The following ANKRD55 variants were observed in gnomAD, a reference collection of about 807,000 sequenced individuals.
The protein encoded by ANKRD55 is ankyrin repeat domain-containing protein 55.
ANKRD55 carries 41 observed loss-of-function variants against 60.6 expected under a neutral mutation model. The observed-to-expected ratio is 0.68, with a 90% CI of 0.53 to 0.88. The LOEUF (loss-of-function observed/expected upper bound fraction) is 0.88, where lower values mean the gene tolerates loss of function less well. Among genes scored for constraint, ANKRD55 ranks in the 40% least tolerant of loss-of-function variants. The pLI, the probability that ANKRD55 is intolerant of heterozygous loss-of-function variation, is 0.00. For missense variants in ANKRD55, 732 were observed against 767.6 expected, an observed-to-expected ratio of 0.95 and a Z score of 0.55; for synonymous variants, 264 against 290.3, an observed-to-expected ratio of 0.91 and a Z score of 0.92.
intron 11 of ANKRD55, among the ~76,000 whole-genome samples, chr5:56,101,752 A>G (rs879465220): frequency 7.9e-5 from 12 of 152,098 alleles, no homozygotes; most frequent in Non-Finnish European, 1.0e-4. Flanking sequence ...AAATAAATCA[A>G]TAATACCAAA....
At chr5:56,125,328 T>C (rs1757212760) in intron 8 of ANKRD55, among the ~76,000 whole-genome samples, 1 of 152,020 alleles carries the variant, frequency 6.6e-6, no homozygotes, top group Non-Finnish European at 1.5e-5. Flanking sequence ...TAACCCAGGC[T>C]GGAGTGCAAT....
chr5:56,206,297 T>C (rs1759508109), intron 2 of ANKRD55, among the ~76,000 whole-genome samples: 1 of 152,158 alleles, frequency 6.6e-6, no homozygotes, highest in Admixed American at 6.6e-5. Flanking sequence ...ATTTCCACAT[T>C]CCTTCTTAAA....
At chr5:56,180,792 G>T (rs1444823664) in intron 3 of ANKRD55, among the ~76,000 whole-genome samples, 1 of 152,200 alleles carries the variant, frequency 6.6e-6, no homozygotes, top group East Asian at 1.9e-4. Flanking sequence ...CTTGTACCCT[G>T]TGACCTTGCT....
chr5:56,212,903 T>C (rs1217972573), intron 2 of ANKRD55, among the ~76,000 whole-genome samples: 1 of 152,210 alleles, frequency 6.6e-6, no homozygotes, highest in South Asian at 2.1e-4. Flanking sequence ...GATAGTTCTA[T>C]ATTAAATAAC....
At chr5:56,127,171 T>A in intron 7 of ANKRD55, 65 bp from the exon 8 acceptor site, 1 of 1,341,210 alleles carries the variant, frequency 7.5e-7, no homozygotes, top group Non-Finnish European at 9.6e-7. Flanking sequence ...TCTAGGCATG[T>A]TAAGATAAAA....
chr5:56,209,611 C>T (rs1351409746), intron 2 of ANKRD55, among the ~76,000 whole-genome samples: 1 of 152,002 alleles, frequency 6.6e-6, no homozygotes, highest in East Asian at 1.9e-4. Context: ...GGACTACAGG[C>T]GCCCGCCACC....
At chr5:56,134,868 G>T (rs1757517302) in intron 7 of ANKRD55, among the ~76,000 whole-genome samples, 1 of 152,074 alleles carries the variant, frequency 6.6e-6, no homozygotes, top group Admixed American at 6.6e-5. Context: ...TTAGTGAATA[G>T]AATCTAGCAA....
At chr5:56,159,264 C>T (rs551517145) in intron 6 of ANKRD55, among the ~76,000 whole-genome samples, 4 of 152,278 alleles carry the variant, frequency 2.6e-5, no homozygotes, top group African/African-American at 4.8e-5. Context: ...GAGTTTGAGA[C>T]CAGCTTGACC....
intron 6 of ANKRD55, among the ~76,000 whole-genome samples, chr5:56,151,146 C>G (rs973091658): frequency 2.0e-5 from 3 of 152,200 alleles, no homozygotes; most frequent in African/African-American, 7.2e-5. Context: ...GTGTGAGTCA[C>G]TGCACCCAGC....
At chr5:56,195,148 G>A (rs1482086939) in intron 2 of ANKRD55, among the ~76,000 whole-genome samples, 1 of 152,162 alleles carries the variant, frequency 6.6e-6, no homozygotes, top group African/African-American at 2.4e-5. Context: ...ACTATTTTGG[G>A]ATAATTGTCT....
At chr5:56,121,445 T>C (rs528969011) in intron 8 of ANKRD55, among the ~76,000 whole-genome samples, 1 of 148,312 alleles carries the variant, frequency 6.7e-6, no homozygotes, top group East Asian at 2.0e-4. Context: ...CAATCTCGGC[T>C]CACTGCAACC....
intron 2 of ANKRD55, among the ~76,000 whole-genome samples, chr5:56,219,486 A>G (rs1759910571): frequency 6.6e-6 from 1 of 152,190 alleles, no homozygotes; most frequent in South Asian, 2.1e-4. Flanking sequence ...TCACAAAGAG[A>G]AAACAAAGAG....
At chr5:56,102,830 A>G (rs1315749396) in intron 10 of ANKRD55, among the ~76,000 whole-genome samples, 1 of 152,220 alleles carries the variant, frequency 6.6e-6, no homozygotes, top group Non-Finnish European at 1.5e-5. Context: ...AAAATTTTAT[A>G]AAGAAACACA....
intron 2 of ANKRD55, among the ~76,000 whole-genome samples, chr5:56,189,125 C>T (rs183552392): frequency 4.1e-4 from 62 of 152,008 alleles, no homozygotes; most frequent in African/African-American, 1.4e-3. Context: ...ATAAATGTGT[C>T]TACTCTGAAG....
At chr5:56,118,315 G>T (rs1165824591) in intron 8 of ANKRD55, among the ~76,000 whole-genome samples, 1 of 152,116 alleles carries the variant, frequency 6.6e-6, no homozygotes, top group African/African-American at 2.4e-5. Flanking sequence ...ACTAATACTG[G>T]TAATTAGTAT....
At chr5:56,210,610 A>C (rs1759649224) in intron 2 of ANKRD55, among the ~76,000 whole-genome samples, 1 of 151,710 alleles carries the variant, frequency 6.6e-6, no homozygotes, top group African/African-American at 2.4e-5. Context: ...TACAGTAAAG[A>C]CACTAACCCT....
At chr5:56,131,673 G>C (rs1367756053) in intron 7 of ANKRD55, among the ~76,000 whole-genome samples, 1 of 151,644 alleles carries the variant, frequency 6.6e-6, no homozygotes. Flanking sequence ...GTGCGTGCCT[G>C]TGATCCCAGC....
intron 7 of ANKRD55, among the ~76,000 whole-genome samples, chr5:56,140,198 A>C (rs1338713075): frequency 1.3e-5 from 2 of 152,238 alleles, no homozygotes; most frequent in Non-Finnish European, 2.9e-5. Flanking sequence ...AAAAACTCTA[A>C]AATGAGCACA....
chr5:56,103,181 A>G (rs1756342279), intron 10 of ANKRD55, among the ~76,000 whole-genome samples: 1 of 152,252 alleles, frequency 6.6e-6, no homozygotes, highest in African/African-American at 2.4e-5. Flanking sequence ...CAGGAAACCT[A>G]TTCTTTAACT....
Sources: gnomAD v4.1 joint callset for allele counts (sites outside exome capture counted in the v4.1 genomes callset) on GRCh38, gnomAD v4.1.1 for gene constraint, MANE v1.5 for transcripts, NCBI Gene and HGNC (gene_info 2026-07-23, HGNC 2026-07-21) for gene names.